CTNNA2: variants seen among roughly 807,000 people sequenced by gnomAD.
CTNNA2 encodes catenin alpha-2.
A neutral mutation model predicts 101.0 loss-of-function variants in CTNNA2; 42 were observed. The observed-to-expected ratio is 0.42, with a 90% CI of 0.32 to 0.54. CTNNA2 has a LOEUF of 0.54. CTNNA2 is among the 20% of genes least tolerant of loss of function. The pLI is 0.14. For synonymous variants in CTNNA2, 450 were observed against 456.4 expected (o/e 0.99, Z 0.18); for missense variants, 871 against 1,223.1 (o/e 0.71, Z 4.29).
At chr2:79,665,884 C>T (rs770266585) in intron 2 of CTNNA2, among the ~76,000 whole-genome samples, 2 of 152,104 alleles carry the variant, frequency 1.3e-5, no homozygotes, top group African/African-American at 2.4e-5. Context: ...GATGTTATTA[C>T]CAAATGTAGC....
At position 80,313,292 on chromosome 2, in the gene CTNNA2, A is replaced by G. The variant is rs1281093120; in HGVS notation, c.1057-79919A>G. The G allele has an allele frequency of 3.3e-6, 3 of 897,802 alleles. No individual in the cohort carries two copies. The African/African-American group carries it at 5.3e-5, about 16-fold the overall frequency. The allele number at this position is 897,802 out of a possible 1,614,324, so 55.6% of individuals were successfully genotyped here. A position where few individuals can be genotyped will look rare whatever the true frequency, so the allele number is the denominator to read the frequency against. On this transcript the variant is annotated intron_variant, in intron 7 of 18. Transcript: ENST00000402739. ...TCAATCTCTGACAAGAATCTTGAAA[A>G]TGCCTTTCTAATTATTTAACATACG... is the stretch of plus-strand genomic sequence containing the variant.
intron 7 of CTNNA2, among the ~76,000 whole-genome samples, chr2:79,961,588 T>C (rs1312981114): frequency 2.0e-5 from 3 of 152,212 alleles, no homozygotes; most frequent in East Asian, 3.9e-4. Context: ...TTTGGGAGGC[T>C]GAGGCGGGCG....
At position 79,762,209 on chromosome 2, in the gene CTNNA2, G is replaced by A. The variant is rs1239434219; in HGVS notation, c.298+17627G>A. 3.9e-5 allele frequency among the ~76,000 whole-genome samples: 6 copies of A among 152,196 alleles called. No homozygotes were observed. In the East Asian group the frequency reaches 1.2e-3, roughly 29 times the overall value. ...TTTTAAAAAGAAGAGGAAGAATGGA[G>A]ACTGAATCCACTGCCCAATGTTGGA... On this transcript the variant is annotated intron_variant, in intron 3 of 18. Transcript: ENST00000402739.
chr2:80,448,149 T>C (rs867543069), intron 9 of CTNNA2, among the ~76,000 whole-genome samples: 1 of 152,186 alleles, frequency 6.6e-6, no homozygotes, highest in African/African-American at 2.4e-5. Context: ...TTTTCTAATT[T>C]GGCCCAATCA....
chr2:79,780,904 TA>T (rs1047122323), intron 3 of CTNNA2, among the ~76,000 whole-genome samples: 2 of 152,074 alleles, frequency 1.3e-5, no homozygotes, highest in Admixed American at 6.6e-5. Context: ...CACTGACTTA[TA>T]AAAACAAAGT....
intron 6 of CTNNA2, among the ~76,000 whole-genome samples, chr2:79,892,614 C>T (rs1456159469): frequency 6.6e-6 from 1 of 152,006 alleles, no homozygotes; most frequent in Non-Finnish European, 1.5e-5. Flanking sequence ...GTATTTTATC[C>T]CCAGTAGGGG....
At chr2:79,533,626 C>G (rs983988392) in intron 1 of CTNNA2, among the ~76,000 whole-genome samples, 14 of 152,066 alleles carry the variant, frequency 9.2e-5, no homozygotes, top group Non-Finnish European at 2.1e-4. Context: ...TGATTGAGAT[C>G]TTAATAATGG....
intron 1 of CTNNA2, among the ~76,000 whole-genome samples, chr2:79,607,838 A>C (rs1677997623): frequency 6.6e-6 from 1 of 152,170 alleles, no homozygotes; most frequent in Non-Finnish European, 1.5e-5. Context: ...TAATTGATTC[A>C]GTTTCACCTT....
chr2:79,282,752 T>C (rs1301371006), intron 2 of CTNNA2, among the ~76,000 whole-genome samples: 3 of 136,356 alleles, frequency 2.2e-5, no homozygotes, highest in Non-Finnish European at 4.8e-5. Flanking sequence ...GCATGATTTA[T>C]AGTCCTTCGG....
chr2:80,370,728 G>A (rs1032176811), intron 7 of CTNNA2, among the ~76,000 whole-genome samples: 1 of 152,108 alleles, frequency 6.6e-6, no homozygotes, highest in African/African-American at 2.4e-5. Context: ...ATACCACACA[G>A]CCACTTACTT....
At chr2:79,683,242 A>C (rs1683708486) in intron 2 of CTNNA2, among the ~76,000 whole-genome samples, 1 of 152,228 alleles carries the variant, frequency 6.6e-6, no homozygotes, top group Non-Finnish European at 1.5e-5. Context: ...TTTGAGAAAC[A>C]GCTTCAGAGA....
rs568810010 is a variant in CTNNA2 at position 80,601,954 on chromosome 2, A to G, written c.2190-2120A>G. On this transcript the variant is annotated intron_variant, in intron 15 of 18. Coordinates refer to ENST00000402739, the MANE Select transcript of CTNNA2 (RefSeq NM_001282597.3). The stretch of plus-strand genomic sequence containing the variant: ...ATCATATTTAGAAAAAAAGTGTACT[A>G]AATTATGATTCAGGACACACAGACT... 3 of 152,208 alleles carry G rather than the reference A, an allele frequency of 2.0e-5. No individual in the cohort carries two copies. The East Asian group carries it at 5.8e-4, about 30-fold the overall frequency. The allele number at this position is 152,208 out of a possible 1,614,324, so 9.4% of individuals were successfully genotyped here.
chr2:80,221,322 C>G (rs978987387), intron 7 of CTNNA2, among the ~76,000 whole-genome samples: 1 of 152,200 alleles, frequency 6.6e-6, no homozygotes, highest in Non-Finnish European at 1.5e-5. Context: ...GGCTTAAGTT[C>G]TTTCCCCAGA....
At chr2:80,327,855 T>C in intron 7 of CTNNA2, among the ~76,000 whole-genome samples, 1 of 152,250 alleles carries the variant, frequency 6.6e-6, no homozygotes, top group Non-Finnish European at 1.5e-5. Context: ...CTTTCAACTT[T>C]GTGATAATCA....
Position 80,483,531 on chromosome 2 carries a change from T to C in CTNNA2, c.1291-61451T>C, listed in dbSNP as rs573856648. 1.2e-3 allele frequency among the ~76,000 whole-genome samples: 188 copies of C among 152,210 alleles called. 1 individual carries two copies. The highest frequency in any genetic ancestry group is 5.9e-5 in the Non-Finnish European group (4 of 68,008). On this transcript the variant is annotated intron_variant, in intron 9 of 18. Transcript: ENST00000402739. ...ATCCTACTATGTACCAGGCACTGTG[T>C]TGGGCATTGAAATGTAAAGTCAGAG...
chr2:80,398,700 CA>C (rs1236606091), intron 8 of CTNNA2, among the ~76,000 whole-genome samples: 417 of 97,622 alleles, frequency 4.3e-3, no homozygotes, highest in Middle Eastern at 0.018. Context: ...GCTAAAAATA[CA>C]AAAAAAAAAA....
At chr2:80,359,362 T>C (rs996554651) in intron 7 of CTNNA2, among the ~76,000 whole-genome samples, 4 of 152,234 alleles carry the variant, frequency 2.6e-5, no homozygotes, top group African/African-American at 9.6e-5. Context: ...ATGCCGATGA[T>C]ACACTGTCTG....
intron 1 of CTNNA2, among the ~76,000 whole-genome samples, chr2:79,194,564 C>T (rs1673933635): frequency 2.0e-5 from 3 of 152,154 alleles, no homozygotes; most frequent in African/African-American, 7.2e-5. Flanking sequence ...ATGTTTAGTT[C>T]CCAGAGCAAA....
At chr2:80,201,268 C>G (rs1707187896) in intron 7 of CTNNA2, among the ~76,000 whole-genome samples, 1 of 151,572 alleles carries the variant, frequency 6.6e-6, no homozygotes, top group East Asian at 1.9e-4. Context: ...GATAAGGAGG[C>G]CTGACTACAT....
Sources: gnomAD v4.1 joint callset for allele counts (sites outside exome capture counted in the v4.1 genomes callset) on GRCh38, gnomAD v4.1.1 for gene constraint, MANE v1.5 for transcripts, NCBI Gene and HGNC (gene_info 2026-07-23, HGNC 2026-07-21) for gene names.